Variants in MAP2K5 observed in about 807,000 individuals in gnomAD.
MAP2K5 encodes the protein mitogen-activated protein kinase kinase 5.
Under a neutral mutation model 83.1 loss-of-function variants are expected in MAP2K5, and 49 were observed. The observed-to-expected ratio is 0.59, with a 90% CI of 0.47 to 0.75. MAP2K5 has a LOEUF of 0.75. Ranked by LOEUF, MAP2K5 falls within the 30% of genes least tolerant of loss-of-function variation. The probability of loss-of-function intolerance (pLI) is 0.00; values close to 1 mark genes in which losing one functional copy is unlikely to be tolerated. For synonymous variants in MAP2K5, 202 were observed against 191.8 expected (o/e 1.05, Z -0.44); for missense variants, 457 against 557.5 (o/e 0.82, Z 1.82).
At chr15:67,586,365 T>A (rs2085291025) in intron 5 of MAP2K5, among the ~76,000 whole-genome samples, 1 of 152,236 alleles carries the variant, frequency 6.6e-6, no homozygotes, top group Non-Finnish European at 1.5e-5. Flanking sequence ...TGTTTAGGGC[T>A]TCACATCTGA....
Position 67,756,530 on chromosome 15 carries a change from TGTG to T in MAP2K5, c.1134+7930_1134+7932del, listed in dbSNP as rs2089840073. Among the ~76,000 whole-genome samples, 27 of 59,670 alleles carry T rather than the reference TGTG, an allele frequency of 4.5e-4. No homozygotes were observed. In the Admixed American group the frequency reaches 5.6e-3, roughly 12 times the overall value. The allele number at this position is 59,670 out of a possible 152,430, so 39.1% of individuals were successfully genotyped here. ...CACACAGTTACTGTGTGTGTGTGTGTGTGTGTGTGTGTGTGTGTGTGTGTGTGT... is the reference window on the plus strand; with the variant it reads ...CACACAGTTACTGTGTGTGTGTGTGTTGTGTGTGTGTGTGTGTGTGTGTGT... On this transcript the variant is annotated intron_variant, in intron 19 of 21. Transcript: ENST00000178640.
chr15:67,629,125 G>A (rs999837254), intron 8 of MAP2K5: 3 of 730,982 alleles, frequency 4.1e-6, no homozygotes, highest in African/African-American at 3.4e-5. Context: ...GGCAGTGGCA[G>A]AAGATTTTAA....
At chr15:67,594,548 G>A (rs2085482496) in intron 7 of MAP2K5, among the ~76,000 whole-genome samples, 2 of 152,170 alleles carry the variant, frequency 1.3e-5, no homozygotes, top group South Asian at 4.1e-4. Flanking sequence ...TTTTTCCACT[G>A]CAAAAAATAA....
In MAP2K5 at chr15:67,636,138, C is replaced by G. The variant is rs1044040888; in HGVS notation, c.585+5211C>G. On this transcript the variant is annotated intron_variant, in intron 9 of 21. Coordinates refer to ENST00000178640, the MANE Select transcript of MAP2K5 (RefSeq NM_145160.3). This position sits in a 1 kb window ranked among gnomAD's most constrained non-coding sequence, Gnocchi z 4.7. ...TTCTTGAAAGTATGAAATGACCGGGCGCCGTGGCTCATGCCTGTAATCCCA... is the reference window on the plus strand; with the variant it reads ...TTCTTGAAAGTATGAAATGACCGGGGGCCGTGGCTCATGCCTGTAATCCCA... 2.0e-5 allele frequency among the ~76,000 whole-genome samples: 3 copies of G among 152,110 alleles called. No homozygotes were observed. The highest frequency in any genetic ancestry group is 7.2e-5 in the African/African-American group (3 of 41,436).
chr15:67,630,678 C>G (rs147332104), intron 8 of MAP2K5, among the ~76,000 whole-genome samples: 4 of 152,162 alleles, frequency 2.6e-5, no homozygotes, highest in Non-Finnish European at 5.9e-5. Flanking sequence ...TCAGTATTAC[C>G]TCAGATAGTT....
chr15:67,646,513 T>G (rs1432964116), intron 11 of MAP2K5, 44 bp downstream of exon 11: 1 of 1,132,550 alleles, frequency 8.8e-7, no homozygotes, highest in East Asian at 2.4e-5. Flanking sequence ...ATTTTTAGAG[T>G]ATATAGTGCT....
At chr15:67,723,510 C>T (rs376169765) in intron 16 of MAP2K5, among the ~76,000 whole-genome samples, 2 of 152,120 alleles carry the variant, frequency 1.3e-5, no homozygotes, top group African/African-American at 4.8e-5. Flanking sequence ...ACATAATAAA[C>T]GTCCCGCAAG....
intron 21 of MAP2K5, among the ~76,000 whole-genome samples, chr15:67,799,626 C>T (rs1297641278): frequency 6.6e-6 from 1 of 152,234 alleles, no homozygotes; most frequent in Non-Finnish European, 1.5e-5. Context: ...GCCCCAGTGG[C>T]CTTGCTACGC....
intron 8 of MAP2K5, among the ~76,000 whole-genome samples, chr15:67,623,038 C>G (rs1369337156): frequency 6.6e-6 from 1 of 152,096 alleles, no homozygotes; most frequent in Non-Finnish European, 1.5e-5. Context: ...GGATTTGGAG[C>G]TTGCAGTGAG....
intron 3 of MAP2K5, among the ~76,000 whole-genome samples, chr15:67,576,219 C>T (rs2085061347): frequency 6.8e-6 from 1 of 147,190 alleles, no homozygotes; most frequent in South Asian, 2.2e-4. Flanking sequence ...TTCCATCCTT[C>T]TCTCTTTCTT....
At chr15:67,693,396 C>T in intron 14 of MAP2K5, 122 bp from the exon 15 acceptor site, 1 of 740,058 alleles carries the variant, frequency 1.4e-6, no homozygotes, top group Non-Finnish European at 2.3e-6. Context: ...TAAATTTGTT[C>T]CCTTTTACAT....
intron 8 of MAP2K5, among the ~76,000 whole-genome samples, chr15:67,620,357 C>T (rs953398221): frequency 2.0e-5 from 3 of 151,984 alleles, no homozygotes; most frequent in African/African-American, 7.3e-5. Context: ...GGTGACAGAG[C>T]GAGACTCTGT....
At chr15:67,661,934 G>T (rs567921705) in intron 12 of MAP2K5, among the ~76,000 whole-genome samples, 2 of 152,100 alleles carry the variant, frequency 1.3e-5, no homozygotes, top group East Asian at 1.9e-4. Context: ...AACATTTAAA[G>T]AAATATTTTT....
At chr15:67,634,080 A>G (rs1450477695) in intron 9 of MAP2K5, among the ~76,000 whole-genome samples, 2 of 151,990 alleles carry the variant, frequency 1.3e-5, no homozygotes, top group Non-Finnish European at 2.9e-5. Flanking sequence ...CATGAAAAGA[A>G]TGTATAGCCT....
rs543759585 is a variant in MAP2K5 at position 67,597,113 on chromosome 15, GA to G, written c.481-3571del. Among the ~76,000 whole-genome samples the G allele has an allele frequency of 1.5e-4, 22 of 150,946 alleles. No homozygotes were observed. In the East Asian group the frequency reaches 2.6e-3, roughly 18 times the overall value. On this transcript the variant is annotated intron_variant, in intron 7 of 21. Transcript: ENST00000178640. ...GAACCCGGGAGGCGGAGCTTGCAGT[GA>G]GCCGAGATCACGTCACTGCACTCCA... is the stretch of plus-strand genomic sequence containing the variant.
At chr15:67,707,175 A>G (rs1468287457) in intron 16 of MAP2K5, among the ~76,000 whole-genome samples, 5 of 152,188 alleles carry the variant, frequency 3.3e-5, no homozygotes, top group Non-Finnish European at 5.9e-5. Flanking sequence ...TTGGCCTCCC[A>G]AAGTGCTGGG....
chr15:67,576,952 G>A lies in MAP2K5; in HGVS notation c.253-3802G>A, dbSNP rs1201823247. On this transcript the variant is annotated intron_variant, in intron 3 of 21. Transcript: ENST00000178640. ...TATTTTTTTTTTTTTTTTTTGAGAC[G>A]GAGTCTCGCTCTGTCGCCCAGGCCG... 1.5e-5 allele frequency among the ~76,000 whole-genome samples: 2 copies of A among 134,794 alleles called. 1 individual carries two copies. The highest frequency in any genetic ancestry group is 5.3e-5 in the African/African-American group (2 of 37,584). The allele number at this position is 134,794 out of a possible 152,430, so 88.4% of individuals were successfully genotyped here.
chr15:67,800,396 C>T (rs1354058470), intron 21 of MAP2K5, among the ~76,000 whole-genome samples: 1 of 152,010 alleles, frequency 6.6e-6, no homozygotes, highest in Non-Finnish European at 1.5e-5. Flanking sequence ...ACAAAAAATT[C>T]TGAGAGCCAG....
intron 8 of MAP2K5, among the ~76,000 whole-genome samples, chr15:67,624,268 A>G (rs1255207502): frequency 6.9e-6 from 1 of 144,330 alleles, no homozygotes; most frequent in Non-Finnish European, 1.5e-5. Flanking sequence ...GAACCCGGGA[A>G]GCGGAGCTGG....
Sources: gnomAD v4.1 joint callset for allele counts (sites outside exome capture counted in the v4.1 genomes callset) on GRCh38, gnomAD v4.1.1 for gene constraint, Gnocchi (gnomAD v3.1) non-coding constraint, MANE v1.5 for transcripts, NCBI Gene and HGNC (gene_info 2026-07-23, HGNC 2026-07-21) for gene names.